Variants in ADAMTS14 observed in about 807,000 individuals in gnomAD.
ADAMTS14 encodes ADAM metallopeptidase with thrombospondin type 1 motif 14.
ADAMTS14 carries 100 observed loss-of-function variants against 128.6 expected under a neutral mutation model. The ratio of observed to expected loss-of-function variants is 0.78; its 90% confidence interval spans 0.66 to 0.92. ADAMTS14 has a LOEUF of 0.92. Among genes scored for constraint, ADAMTS14 ranks in the 40% least tolerant of loss-of-function variants. The pLI, the probability that ADAMTS14 is intolerant of heterozygous loss-of-function variation, is 0.00. For missense variants in ADAMTS14, 1,562 were observed against 1,658.6 expected (o/e 0.94, Z 1.01); for synonymous variants, 665 against 653.8 (o/e 1.02, Z -0.26).
chr10:70,735,117 C>T, intron 8 of ADAMTS14, 52 bp from the exon 9 acceptor site: 1 of 1,586,356 alleles, frequency 6.3e-7, no homozygotes, highest in African/African-American at 1.3e-5. Flanking sequence ...GAAGGGAAAG[C>T]CTGGGACTTC....
chr10:70,674,652 C>T lies in ADAMTS14; in HGVS notation c.179C>T (p.Pro60Leu). ...TTCCTCTCCCACGTGGTGTCTGGCC[C>T]AGCAGCAGCCTCTGCAGGGAGCATG... ...GRFLSHVVSG[P>L]AAASAGSMVV... The change falls in exon 2 of 22, where the codon CCA (proline) becomes CTA (leucine). Residue 60 changes from proline (P) to leucine (L), a missense_variant. Coordinates refer to ENST00000373207, the MANE Select transcript of ADAMTS14 (RefSeq NM_080722.4). The T allele has an allele frequency of 6.2e-7, 1 of 1,613,630 alleles. No individual in the cohort carries two copies. Among genetic ancestry groups the T allele is most frequent in the Non-Finnish European group, 8.5e-7 (1 of 1,180,032 alleles).
At chr10:70,683,470 A>G (rs898186805) in intron 2 of ADAMTS14, among the ~76,000 whole-genome samples, 4 of 152,190 alleles carry the variant, frequency 2.6e-5, no homozygotes, top group Non-Finnish European at 5.9e-5. Flanking sequence ...CTGCTTCGTG[A>G]TTGGGGCAAT....
At chr10:70,759,028 A>G (rs944883797) in intron 21 of ADAMTS14, among the ~76,000 whole-genome samples, 1 of 151,338 alleles carries the variant, frequency 6.6e-6, no homozygotes, top group African/African-American at 2.4e-5. Context: ...TTAGAGGACC[A>G]GTTGGCTGCA....
chr10:70,690,268 G>A (rs554346374), intron 2 of ADAMTS14, among the ~76,000 whole-genome samples: 18 of 144,614 alleles, frequency 1.2e-4, no homozygotes, highest in African/African-American at 4.4e-4. Flanking sequence ...TAAGAGTGTG[G>A]CCAAATCTGG....
rs1188683548 is a variant in ADAMTS14, at chr10:70,672,874, C to T, written c.72C>T (p.Ser24=). Residue 24 remains serine, a synonymous_variant, in exon 1 of 22, where the codon AGC becomes AGT. Transcript: ENST00000373207. ...GTGCGCTCTGCGCCGCCGCGGGCAG[C>T]CGGACCCCAGGTGCGTGCGGGTTGG... ...LHCALCAAAG[S]RTPELHLSGK... 1.3e-5 allele frequency: 19 copies of T among 1,497,618 alleles called. No homozygotes were observed. Among genetic ancestry groups the T allele is most frequent in the Middle Eastern group, 2.2e-4 (1 of 4,536 alleles). 92.8% of individuals were successfully genotyped at this position (1,497,618 alleles called of 1,614,324 possible). A position where few individuals can be genotyped will look rare whatever the true frequency, so the allele number is the denominator to read the frequency against.
chr10:70,688,616 G>A (rs1275918372), intron 2 of ADAMTS14, among the ~76,000 whole-genome samples: 5 of 102,836 alleles, frequency 4.9e-5, no homozygotes, highest in East Asian at 2.5e-4. Flanking sequence ...CTGCAATCCC[G>A]GCACCTCGGG....
chr10:70,695,827 G>T (rs1673354221), intron 2 of ADAMTS14, among the ~76,000 whole-genome samples: 1 of 152,222 alleles, frequency 6.6e-6, no homozygotes, highest in Non-Finnish European at 1.5e-5. Context: ...GAAGTCATTT[G>T]CAGTCATGCA....
At chr10:70,747,649 G>A (rs1274980963) in intron 15 of ADAMTS14, among the ~76,000 whole-genome samples, 3 of 152,214 alleles carry the variant, frequency 2.0e-5, no homozygotes, top group Non-Finnish European at 4.4e-5. Context: ...CTTCTGTGGA[G>A]GTCATGGCAG....
Position 70,749,909 on chromosome 10 carries a change from A to C in ADAMTS14, c.2351A>C (p.Glu784Ala), listed in dbSNP as rs528687055. The change falls in exon 16 of 22, where the codon GAG (glutamate) becomes GCG (alanine). Residue 784 changes from glutamate (E) to alanine (A), a missense_variant. Coordinates refer to ENST00000373207, the MANE Select transcript of ADAMTS14 (RefSeq NM_080722.4). ...CGGACCTTCACCGCCATGGGCCTGG[A>C]GTGGGAGGATGCGGTGGAGGATGCC... ...TSRTFTAMGL[E>A]WEDAVEDAKE... 6.9e-5 allele frequency: 111 copies of C among 1,614,074 alleles called. 1 individual carries two copies. The East Asian group carries it at 2.4e-3, about 35-fold the overall frequency.
At position 70,753,884 on chromosome 10, in the gene ADAMTS14, C is replaced by A; in HGVS notation, c.2814C>A (p.Pro938=). The stretch of plus-strand genomic sequence containing the variant: ...CACGGGGGATACAGTGCCTGCTGCC[C>A]CTCTCCAATGGAACCCACAAGGTCA... ...VQTRGIQCLL[P]LSNGTHKVMP... Residue 938 remains proline, a synonymous_variant, in exon 19 of 22, where the codon CCC becomes CCA. Coordinates refer to ENST00000373207, the MANE Select transcript of ADAMTS14 (RefSeq NM_080722.4). The A allele has an allele frequency of 6.3e-7, 1 of 1,591,896 alleles. No homozygotes were observed. Among genetic ancestry groups the A allele is most frequent in the East Asian group, 2.3e-5 (1 of 44,060 alleles).
chr10:70,672,984 GT>G (rs1839528005), intron 1 of ADAMTS14, 100 bp downstream of exon 1: 5 of 1,336,148 alleles, frequency 3.7e-6, no homozygotes, highest in Non-Finnish European at 9.5e-7. Context: ...GTTCCCGCGG[GT>G]GGGAGGCAGT....
At chr10:70,728,053 ACCACTGCGCT>A (rs1294435298) in intron 4 of ADAMTS14, among the ~76,000 whole-genome samples, 4 of 149,880 alleles carry the variant, frequency 2.7e-5, no homozygotes, top group Non-Finnish European at 5.9e-5. Flanking sequence ...CCGAGATCGC[ACCACTGCGCT>A]CCAGCCTGGG....
At chr10:70,737,650 G>C (rs1028793009) in intron 10 of ADAMTS14, among the ~76,000 whole-genome samples, 3 of 152,220 alleles carry the variant, frequency 2.0e-5, no homozygotes, top group Non-Finnish European at 2.9e-5. Context: ...ACAGGTGGAT[G>C]GAGCTTCCCC....
intron 4 of ADAMTS14, among the ~76,000 whole-genome samples, chr10:70,709,333 C>A (rs915213254): frequency 6.6e-6 from 1 of 152,102 alleles, no homozygotes; most frequent in Admixed American, 6.5e-5. Context: ...GCAGAGAGCC[C>A]GTGCCCTTAG....
intron 3 of ADAMTS14, among the ~76,000 whole-genome samples, chr10:70,705,523 T>C (rs1840637771): frequency 6.6e-6 from 1 of 152,240 alleles, no homozygotes; most frequent in South Asian, 2.1e-4. Context: ...AAAACTATAT[T>C]CACAATGCTG....
rs553896184 is a variant in ADAMTS14, at chr10:70,682,949, C to T, written c.522+7954C>T. On this transcript the variant is annotated intron_variant, in intron 2 of 21. Coordinates refer to ENST00000373207, the MANE Select transcript of ADAMTS14 (RefSeq NM_080722.4). The stretch of plus-strand genomic sequence containing the variant: ...CCCAGCACTGGGCCTGCCGGACAAC[C>T]GTCTGGGTGAGGAGGCATAAACTCC... 9.2e-5 allele frequency among the ~76,000 whole-genome samples: 14 copies of T among 152,336 alleles called. No individual in the cohort carries two copies. In the South Asian group the frequency reaches 2.3e-3, roughly 25 times the overall value.
chr10:70,674,135 C>T (rs1589251243), intron 1 of ADAMTS14, among the ~76,000 whole-genome samples: 1 of 152,068 alleles, frequency 6.6e-6, no homozygotes, highest in African/African-American at 2.4e-5. Context: ...GGGAGGAGGG[C>T]ACTACCCCAG....
chr10:70,747,856 G>A lies in ADAMTS14; in HGVS notation c.2264-1966G>A, dbSNP rs114545060. ...GTGCACAGTGGCCTTCAGTGAAAAC[G>A]TGTGAATATGTGTGTGTGAGTGTGT... On this transcript the variant is annotated intron_variant, in intron 15 of 21. Coordinates refer to ENST00000373207, the MANE Select transcript of ADAMTS14 (RefSeq NM_080722.4). Among the ~76,000 whole-genome samples, 1,203 of 152,256 alleles carry A rather than the reference G, an allele frequency of 7.9e-3. 12 individuals carry two copies. The highest frequency in any genetic ancestry group is 0.027 in the African/African-American group (1,133 of 41,548).
intron 11 of ADAMTS14, among the ~76,000 whole-genome samples, chr10:70,739,731 C>A (rs957022385): frequency 1.3e-5 from 2 of 152,168 alleles, no homozygotes; most frequent in Non-Finnish European, 2.9e-5. Context: ...ATGAAGACTG[C>A]GGAATCGCAA....
Sources: allele counts gnomAD v4.1 joint callset (sites outside exome capture counted in the v4.1 genomes callset), GRCh38; gene constraint gnomAD v4.1.1; transcripts MANE v1.5; gene names NCBI Gene and HGNC (gene_info 2026-07-23, HGNC 2026-07-21).